Variants in GRIN2A observed in about 807,000 individuals in gnomAD.
The protein encoded by GRIN2A is glutamate ionotropic receptor NMDA type subunit 2A.
A neutral mutation model predicts 113.4 loss-of-function variants in GRIN2A; 22 were observed. The observed-to-expected ratio is 0.19, with a 90% confidence interval of 0.14 to 0.28. The LOEUF is 0.28. GRIN2A is among the 10% of genes least tolerant of loss of function. The pLI is 1.00. For missense variants in GRIN2A, 1,502 were observed against 1,887.0 expected, an observed-to-expected ratio of 0.80 and a Z score of 3.78; for synonymous variants, 827 against 738.4, an observed-to-expected ratio of 1.12 and a Z score of -1.94.
chr16:10,055,054 A>C, intron 2 of GRIN2A, among the ~76,000 whole-genome samples: 1 of 68,314 alleles, frequency 1.5e-5, no homozygotes, highest in Non-Finnish European at 2.6e-5. Flanking sequence ...TCTCAAAAAA[A>C]AAAAAAAAAA....
At chr16:10,078,223 G>C (rs991853476) in intron 2 of GRIN2A, among the ~76,000 whole-genome samples, 1 of 152,172 alleles carries the variant, frequency 6.6e-6, no homozygotes, top group African/African-American at 2.4e-5. Flanking sequence ...CATAACATGT[G>C]AGACACTGTT....
chr16:10,068,134 C>T (rs1344025316), intron 2 of GRIN2A, among the ~76,000 whole-genome samples: 1 of 152,216 alleles, frequency 6.6e-6, no homozygotes, highest in Non-Finnish European at 1.5e-5. Context: ...TCTGCTTTCC[C>T]AAAGCGTATT....
chr16:9,822,181 A>G (rs2141294280), intron 10 of GRIN2A, 83 bp downstream of exon 10: 1 of 1,344,330 alleles, frequency 7.4e-7, no homozygotes, highest in Non-Finnish European at 1.1e-6. Context: ...GGGAGCAGAT[A>G]GGAACTGAGG....
chr16:10,031,557 G>A (rs1372624963), intron 2 of GRIN2A: 1 of 152,252 alleles, frequency 6.6e-6, no homozygotes, highest in African/African-American at 2.4e-5. Flanking sequence ...GCACCCAGCA[G>A]AGAGCCCGTA....
chr16:9,873,527 A>AC (rs1055528432), intron 4 of GRIN2A, among the ~76,000 whole-genome samples: 40 of 145,342 alleles, frequency 2.8e-4, no homozygotes, highest in African/African-American at 7.6e-4. Context: ...AAAGTGAGAC[A>AC]CCCCCCATCT....
chr16:9,897,351 T>A (rs1003458587), intron 3 of GRIN2A, among the ~76,000 whole-genome samples: 8 of 152,112 alleles, frequency 5.3e-5, no homozygotes, highest in African/African-American at 1.9e-4. Flanking sequence ...CTATGAATGG[T>A]GATGCATGGT....
intron 2 of GRIN2A, among the ~76,000 whole-genome samples, chr16:10,096,572 A>ACACACACACACACACACC (rs2048295983): frequency 6.7e-6 from 1 of 149,868 alleles, no homozygotes; most frequent in South Asian, 2.1e-4. Context: ...ACACACACAC[A>ACACACACACACACACACC]CTTTACTCTC....
At chr16:9,785,107 A>G (rs1902157937) in intron 11 of GRIN2A, among the ~76,000 whole-genome samples, 1 of 152,224 alleles carries the variant, frequency 6.6e-6, no homozygotes, top group Non-Finnish European at 1.5e-5. Flanking sequence ...CCAAAGGATT[A>G]TAAATCATGC....
chr16:10,111,326 C>T, intron 2 of GRIN2A: 2 of 385,158 alleles, frequency 5.2e-6, no homozygotes, highest in Non-Finnish European at 9.9e-6. Context: ...GCAGCAGCGG[C>T]AGCAGCGGCA....
At chr16:10,044,022 T>TATATATAGAGAGAGAGAGAG (rs531659457) in intron 2 of GRIN2A, among the ~76,000 whole-genome samples, 9 of 108,012 alleles carry the variant, frequency 8.3e-5, no homozygotes, top group South Asian at 4.1e-4. Context: ...TATATATATA[T>TATATATAGAGAGAGAGAGAG]AGAGAGAGAG....
At chr16:10,002,962 T>G (rs1007839721) in intron 2 of GRIN2A, among the ~76,000 whole-genome samples, 11 of 152,220 alleles carry the variant, frequency 7.2e-5, no homozygotes, top group Non-Finnish European at 1.3e-4. Context: ...AATTCATCAG[T>G]ACTTTGTAAA....
chr16:9,955,531 T>C (rs2045285989), intron 2 of GRIN2A, among the ~76,000 whole-genome samples: 1 of 152,184 alleles, frequency 6.6e-6, no homozygotes, highest in African/African-American at 2.4e-5. Flanking sequence ...AAAACAGCAA[T>C]TACTTTTGCA....
intron 2 of GRIN2A, among the ~76,000 whole-genome samples, chr16:10,151,317 G>A (rs1201335670): frequency 1.3e-5 from 2 of 152,166 alleles, no homozygotes; most frequent in Non-Finnish European, 2.9e-5. Flanking sequence ...TAGCTAGCCA[G>A]AGAATGTGTC....
Position 10,024,786 on chromosome 16 carries a change from C to T in GRIN2A, c.415-86235G>A, listed in dbSNP as rs569462156. Among the ~76,000 whole-genome samples, 29 of 152,298 alleles carry T rather than the reference C, an allele frequency of 1.9e-4. No individual in the cohort carries two copies. In the South Asian group the frequency reaches 5.0e-3, roughly 26 times the overall value. ...CTGAAGAGGTAGGCACAATAGCTTTCTCACTGCTTAGCAATTATATCAAGT... is the reference window on the plus strand; with the variant it reads ...CTGAAGAGGTAGGCACAATAGCTTTTTCACTGCTTAGCAATTATATCAAGT... On this transcript the variant is annotated intron_variant, in intron 2 of 12. Transcript: ENST00000330684.
At chr16:10,104,498 TC>T (rs1257547878) in intron 2 of GRIN2A, among the ~76,000 whole-genome samples, 1 of 152,182 alleles carries the variant, frequency 6.6e-6, no homozygotes, top group African/African-American at 2.4e-5. Context: ...TTACATTCAT[TC>T]CCCTCTGCTT....
intron 5 of GRIN2A, among the ~76,000 whole-genome samples, chr16:9,845,159 G>C (rs2042750389): frequency 6.6e-6 from 1 of 152,054 alleles, no homozygotes; most frequent in Non-Finnish European, 1.5e-5. Flanking sequence ...ATATCCCCAA[G>C]CGGAAGAAGG....
Position 10,089,062 on chromosome 16 carries a change from G to C in GRIN2A, c.414+90936C>G, listed in dbSNP as rs1014794117. 3.9e-5 allele frequency among the ~76,000 whole-genome samples: 6 copies of C among 152,110 alleles called. No individual in the cohort carries two copies. In the East Asian group the frequency reaches 9.6e-4, roughly 24 times the overall value. On this transcript the variant is annotated intron_variant, in intron 2 of 12. Transcript: ENST00000330684. The stretch of plus-strand genomic sequence containing the variant: ...TGGGATGACAATAAGAACAACCCAA[G>C]AGGCCACTGTAGTTATTAAGTATAT...
intron 2 of GRIN2A, among the ~76,000 whole-genome samples, chr16:10,103,338 C>G (rs549238987): frequency 1.3e-5 from 2 of 152,236 alleles, no homozygotes; most frequent in East Asian, 1.9e-4. Flanking sequence ...CTTGCACAAG[C>G]TGGGATGCAA....
In GRIN2A at chr16:10,104,946, G is replaced by A. The variant is rs1008084785; in HGVS notation, c.414+75052C>T. Among the ~76,000 whole-genome samples the A allele has an allele frequency of 2.0e-5, 3 of 152,140 alleles. No homozygotes were observed. The East Asian group carries it at 5.8e-4, about 29-fold the overall frequency. On this transcript the variant is annotated intron_variant, in intron 2 of 12. Transcript: ENST00000330684. ...GATAAATGATATGACAACAGGGGGAGGTGCTAAATGTTACGAGAGTGCAGC... is the reference window on the plus strand; with the variant it reads ...GATAAATGATATGACAACAGGGGGAAGTGCTAAATGTTACGAGAGTGCAGC...
Sources: allele counts gnomAD v4.1 joint callset (sites outside exome capture counted in the v4.1 genomes callset), GRCh38; gene constraint gnomAD v4.1.1; transcripts MANE v1.5; gene names NCBI Gene and HGNC (gene_info 2026-07-23, HGNC 2026-07-21).